Variants in MTSS1 observed in about 807,000 individuals in gnomAD.
The protein encoded by MTSS1 is protein MTSS 1.
MTSS1 carries 18 observed loss-of-function variants against 79.0 expected under a neutral mutation model. That is an observed-to-expected ratio of 0.23 (90% CI 0.16 to 0.34). MTSS1 has a LOEUF of 0.34. Ranked by LOEUF, MTSS1 falls within the 10% of genes least tolerant of loss-of-function variation. The pLI, the probability that MTSS1 is intolerant of heterozygous loss-of-function variation, is 1.00. For synonymous variants in MTSS1, 341 were observed against 368.6 expected, an observed-to-expected ratio of 0.93 and a Z score of 0.86; for missense variants, 815 against 986.2, an observed-to-expected ratio of 0.83 and a Z score of 2.33.
In MTSS1 at chr8:124,626,686, G is replaced by A. The variant is rs150768173; in HGVS notation, c.209-35451C>T. Among the ~76,000 whole-genome samples, 4 of 152,032 alleles carry A rather than the reference G, an allele frequency of 2.6e-5. No homozygotes were observed. In the South Asian group the frequency reaches 6.3e-4, roughly 24 times the overall value. On this transcript the variant is annotated intron_variant, in intron 3 of 13. Coordinates refer to ENST00000518547, the MANE Select transcript of MTSS1 (RefSeq NM_014751.6). ...TGGGAGGAGATAATGAGGTGCACCC[G>A]GTCATGGGAATGGGGTGGTTAGAAA... is the stretch of plus-strand genomic sequence containing the variant.
At chr8:124,654,578 G>A (rs1238008599) in intron 3 of MTSS1, among the ~76,000 whole-genome samples, 1 of 152,140 alleles carries the variant, frequency 6.6e-6, no homozygotes, top group Non-Finnish European at 1.5e-5. Context: ...TAGACCACAT[G>A]AAGTATGATG....
chr8:124,661,288 A>G (rs1359292756), intron 3 of MTSS1, among the ~76,000 whole-genome samples: 1 of 151,436 alleles, frequency 6.6e-6, no homozygotes, highest in East Asian at 1.9e-4. Context: ...CAGAAACAAC[A>G]CCAATGTTAG....
chr8:124,716,425 A>G (rs543611414), intron 1 of MTSS1, among the ~76,000 whole-genome samples: 38 of 152,338 alleles, frequency 2.5e-4, no homozygotes, highest in African/African-American at 9.1e-4. Flanking sequence ...GGATGGGGAC[A>G]CATGTGCGGG....
intron 3 of MTSS1, among the ~76,000 whole-genome samples, chr8:124,640,758 G>A (rs182515232): frequency 6.6e-6 from 1 of 152,028 alleles, no homozygotes; most frequent in Non-Finnish European, 1.5e-5. Context: ...TGGCCAGGTT[G>A]GTCTCAATCT....
At chr8:124,656,468 T>TC (rs1008577031) in intron 3 of MTSS1, among the ~76,000 whole-genome samples, 1 of 151,964 alleles carries the variant, frequency 6.6e-6, no homozygotes, top group African/African-American at 2.4e-5. Context: ...GACCTTTTTT[T>TC]TTTTTTTTAA....
At chr8:124,651,387 A>ATAAATTG (rs1204937938) in intron 3 of MTSS1, among the ~76,000 whole-genome samples, 182 of 152,118 alleles carry the variant, frequency 1.2e-3, no homozygotes, top group African/African-American at 4.2e-3. Context: ...CACACAGCAC[A>ATAAATTG]ATCATATAAA....
chr8:124,585,066 T>C, intron 6 of MTSS1, 21 bp downstream of exon 6: 1 of 1,602,954 alleles, frequency 6.2e-7, no homozygotes, highest in Non-Finnish European at 8.5e-7. Context: ...GTAACATCAG[T>C]GGCAGAATTT....
intron 3 of MTSS1, among the ~76,000 whole-genome samples, chr8:124,693,567 C>T (rs1207357128): frequency 6.6e-6 from 1 of 152,178 alleles, no homozygotes; most frequent in African/African-American, 2.4e-5. Flanking sequence ...ACATGCTTCA[C>T]CAACCTCGGC....
Position 124,727,362 on chromosome 8 carries a change from G to C in MTSS1, c.72+522C>G, listed in dbSNP as rs1833865279. Among the ~76,000 whole-genome samples, 2 of 152,182 alleles carry C rather than the reference G, an allele frequency of 1.3e-5. No individual in the cohort carries two copies. The highest frequency in any genetic ancestry group is 4.8e-5 in the African/African-American group (2 of 41,466). ...GCCCAATTAATAACTAATTTGCTCA[G>C]ATACCCCACTCCAAGTAGACCTGAC... is the stretch of plus-strand genomic sequence containing the variant. On this transcript the variant is annotated intron_variant, in intron 1 of 13. Transcript: ENST00000518547. This position sits in a 1 kb window ranked among gnomAD's most constrained non-coding sequence, Gnocchi z 4.7.
At chr8:124,591,055 T>C (rs1193446108) in intron 4 of MTSS1, 96 bp downstream of exon 4, 8 of 1,009,122 alleles carry the variant, frequency 7.9e-6, no homozygotes, top group Middle Eastern at 2.9e-4. Flanking sequence ...GTCAGACAGA[T>C]TGTGGGGATT....
chr8:124,567,654 G>C, intron 7 of MTSS1: 1 of 1,391,254 alleles, frequency 7.2e-7, no homozygotes, highest in Non-Finnish European at 9.3e-7. Flanking sequence ...CAGCAACTTA[G>C]TAAAAGACAA....
intron 3 of MTSS1, among the ~76,000 whole-genome samples, chr8:124,647,852 C>T (rs970314716): frequency 2.6e-5 from 4 of 152,130 alleles, no homozygotes; most frequent in African/African-American, 2.4e-5. Context: ...AATCAGAGGC[C>T]GAACAAGAAC....
At chr8:124,653,949 G>T (rs1346395319) in intron 3 of MTSS1, among the ~76,000 whole-genome samples, 1 of 152,162 alleles carries the variant, frequency 6.6e-6, no homozygotes, top group Non-Finnish European at 1.5e-5. Flanking sequence ...ATCAGGAAGC[G>T]GTTAGACATC....
At position 124,618,525 on chromosome 8, in the gene MTSS1, T is replaced by C. The variant is rs113931845; in HGVS notation, c.209-27290A>G. Among the ~76,000 whole-genome samples, 649 of 152,284 alleles carry C rather than the reference T, an allele frequency of 4.3e-3. 2 individuals carry two copies. Among genetic ancestry groups the C allele is most frequent in the African/African-American group, 0.015 (632 of 41,542 alleles). On this transcript the variant is annotated intron_variant, in intron 3 of 13. Transcript: ENST00000518547. ...ACTAATACTTGGGCAGCTGGCAGAG[T>C]AGACTCGGTGAACATGCTGCTGAAA...
intron 3 of MTSS1, among the ~76,000 whole-genome samples, chr8:124,668,875 C>G (rs1823610534): frequency 1.3e-5 from 2 of 152,212 alleles, no homozygotes; most frequent in Non-Finnish European, 2.9e-5. Context: ...CCATTACCAC[C>G]TTCTTGTACA....
At chr8:124,716,158 C>G (rs547616758) in intron 1 of MTSS1, among the ~76,000 whole-genome samples, 8 of 151,920 alleles carry the variant, frequency 5.3e-5, no homozygotes. Context: ...CTGCAGATCC[C>G]AAAGCCCCAA....
At chr8:124,705,001 A>G (rs1373409104) in intron 1 of MTSS1, among the ~76,000 whole-genome samples, 1 of 152,100 alleles carries the variant, frequency 6.6e-6, no homozygotes, top group East Asian at 1.9e-4. Flanking sequence ...CACAAACTCA[A>G]ATCTGCAGGT....
rs202122400 is a variant in MTSS1, at chr8:124,599,482, CAAA to C, written c.209-8250_209-8248del. ...TGGGGGACAGAATGAGACTCCGTCT[CAAA>C]AAAAAAAAAAAAAAAAAGAGAGAGA... On this transcript the variant is annotated intron_variant, in intron 3 of 13. Transcript: ENST00000518547. Among the ~76,000 whole-genome samples the C allele has an allele frequency of 8.3e-3, 709 of 85,694 alleles. 3 individuals carry two copies. The highest frequency in any genetic ancestry group is 0.023 in the African/African-American group (626 of 27,820). 56.2% of individuals were successfully genotyped at this position (85,694 alleles called of 152,430 possible).
At chr8:124,577,482 T>C in intron 6 of MTSS1, 1 of 483,814 alleles carries the variant, frequency 2.1e-6, no homozygotes. Flanking sequence ...ACTCATGACC[T>C]CAAGTGATCC....
Sources: allele counts gnomAD v4.1 joint callset (sites outside exome capture counted in the v4.1 genomes callset), GRCh38; gene constraint gnomAD v4.1.1; non-coding constraint Gnocchi (gnomAD v3.1); transcripts MANE v1.5; gene names NCBI Gene and HGNC (gene_info 2026-07-23, HGNC 2026-07-21).